AGFG1: variants seen among roughly 807,000 people sequenced by gnomAD.
The protein encoded by AGFG1 is arf-GAP domain and FG repeat-containing protein 1.
A neutral mutation model predicts 60.6 loss-of-function variants in AGFG1; 10 were observed. The observed-to-expected ratio is 0.16, with a 90% CI of 0.10 to 0.28. AGFG1 has a LOEUF of 0.28. Ranked by LOEUF, AGFG1 falls within the 10% of genes least tolerant of loss-of-function variation. The pLI is 1.00. For synonymous variants in AGFG1, 247 were observed against 242.9 expected, an observed-to-expected ratio of 1.02 and a Z score of -0.16; for missense variants, 537 against 676.5, an observed-to-expected ratio of 0.79 and a Z score of 2.29.
chr2:227,550,399 TTGAG>T (rs747663406), intron 10 of AGFG1, among the ~76,000 whole-genome samples: 63 of 152,338 alleles, frequency 4.1e-4, no homozygotes, highest in Non-Finnish European at 6.0e-4. Context: ...TCATGGTACT[TTGAG>T]TGACGCCTTT....
At position 227,552,010 on chromosome 2, in the gene AGFG1, C is replaced by T; in HGVS notation, c.1430C>T (p.Pro477Leu). The change falls in exon 11 of 13, where the codon CCT becomes CTT. Residue 477 changes from proline (P) to leucine (L), a missense_variant. Pro to Leu is a moderately conservative substitution (Grantham distance 98). Around this residue, in one of 4 missense-constraint regions of AGFG1, gnomAD observed 287 missense variants for 343.6 expected, o/e 0.84. Coordinates refer to ENST00000310078, the MANE Select transcript of AGFG1 (RefSeq NM_004504.5). Reference sequence around the variant, plus strand: ...AGCATGCCCACAGGATTCGGCACTCCTGCTCCCTACAGTCTTCCCACCAGC... The same window carrying T: ...AGCATGCCCACAGGATTCGGCACTCTTGCTCCCTACAGTCTTCCCACCAGC... ...SMSMPTGFGT[P>L]APYSLPTSFS... 6.2e-7 allele frequency: 1 copy of T among 1,614,194 alleles called. No homozygotes were observed. The highest frequency in any genetic ancestry group is 8.5e-7 in the Non-Finnish European group (1 of 1,180,040).
At chr2:227,491,698 A>G (rs1264949178) in intron 2 of AGFG1, 58 bp downstream of exon 2, 2 of 1,012,142 alleles carry the variant, frequency 2.0e-6, no homozygotes, top group Non-Finnish European at 2.9e-6. Flanking sequence ...AGTCATTTTA[A>G]TGAGATTTAA....
intron 1 of AGFG1, among the ~76,000 whole-genome samples, chr2:227,488,923 G>T (rs921202911): frequency 3.9e-5 from 6 of 152,016 alleles, no homozygotes; most frequent in Admixed American, 6.6e-5. Context: ...AGGTGATTCT[G>T]CTGCCTCAGC....
chr2:227,540,392 G>C lies in AGFG1; in HGVS notation c.1378+3399G>C, dbSNP rs369072887. Among the ~76,000 whole-genome samples, 85 of 152,158 alleles carry C rather than the reference G, an allele frequency of 5.6e-4. No homozygotes were observed. The East Asian group carries it at 0.013, about 24-fold the overall frequency. ...GCCGGTGTGTGATGTTCCCCACCTT[G>C]TGTCCAAGTGTTCTCATTGTTCAGT... On this transcript the variant is annotated intron_variant, in intron 10 of 12. Transcript: ENST00000310078.
At chr2:227,510,909 T>G (rs111403289) in intron 2 of AGFG1, 2 of 152,228 alleles carry the variant, frequency 1.3e-5, no homozygotes, top group Non-Finnish European at 1.5e-5. Flanking sequence ...TCTCTAGTAT[T>G]CTAAATATTT....
chr2:227,506,765 T>TA (rs1281698338), intron 2 of AGFG1, among the ~76,000 whole-genome samples: 1 of 152,176 alleles, frequency 6.6e-6, no homozygotes, highest in Non-Finnish European at 1.5e-5. Flanking sequence ...AGTCTTTTTT[T>TA]ATCCTCTAAG....
chr2:227,490,254 T>G (rs1690767843), intron 1 of AGFG1, among the ~76,000 whole-genome samples: 1 of 152,316 alleles, frequency 6.6e-6, no homozygotes, highest in Admixed American at 6.5e-5. Flanking sequence ...GTGTGAATGA[T>G]TACAAATTGA....
intron 11 of AGFG1, 103 bp from the exon 12 acceptor site, chr2:227,553,601 G>T: frequency 1.0e-5 from 9 of 869,886 alleles, no homozygotes; most frequent in Admixed American, 2.3e-5. Context: ...TTTTATTTTT[G>T]CTGCTCTGGT....
At chr2:227,513,088 TC>T (rs912124960) in intron 2 of AGFG1, among the ~76,000 whole-genome samples, 32 of 152,346 alleles carry the variant, frequency 2.1e-4, no homozygotes, top group African/African-American at 7.0e-4. Context: ...TCAACAAGTT[TC>T]CACTCCAATT....
rs1693116940 is a variant in AGFG1, at chr2:227,560,803, G to A, written c.*6308G>A. On this transcript the variant is annotated 3_prime_UTR_variant, in exon 13 of 13. Transcript: ENST00000310078. ...TGTGATTCTGATTCCTCATGGTTTG[G>A]AGCTCAGAAATTTCTTAACATGTCT... 1 of 152,132 alleles carries A rather than the reference G, an allele frequency of 6.6e-6. No homozygotes were observed. Among genetic ancestry groups the A allele is most frequent in the Non-Finnish European group, 1.5e-5 (1 of 68,000 alleles). The allele number at this position is 152,132 out of a possible 1,614,324, so 9.4% of individuals were successfully genotyped here.
At chr2:227,492,640 A>G (rs948734108) in intron 2 of AGFG1, among the ~76,000 whole-genome samples, 11 of 152,110 alleles carry the variant, frequency 7.2e-5, no homozygotes, top group African/African-American at 2.7e-4. Flanking sequence ...TAAAATAGTG[A>G]GGAAATATAA....
chr2:227,516,467 G>A (rs944376336), intron 2 of AGFG1, among the ~76,000 whole-genome samples: 3 of 152,170 alleles, frequency 2.0e-5, no homozygotes, highest in South Asian at 2.1e-4. Context: ...AATTAGAGCC[G>A]ATTAATAACT....
At chr2:227,525,610 C>T (rs1691970159) in intron 5 of AGFG1, among the ~76,000 whole-genome samples, 1 of 152,164 alleles carries the variant, frequency 6.6e-6, no homozygotes. Context: ...CTTTTTCCTC[C>T]TCTGTAATTA....
At chr2:227,511,139 C>T (rs1453676224) in intron 2 of AGFG1, among the ~76,000 whole-genome samples, 1 of 152,136 alleles carries the variant, frequency 6.6e-6, no homozygotes, top group Non-Finnish European at 1.5e-5. Flanking sequence ...AGTTCTTCCT[C>T]CAGGGGAAAG....
chr2:227,542,758 T>C (rs921295448), intron 10 of AGFG1, among the ~76,000 whole-genome samples: 3 of 152,228 alleles, frequency 2.0e-5, no homozygotes, highest in Admixed American at 2.0e-4. Context: ...GTACCTCTGG[T>C]AGAATTTGGC....
At position 227,558,008 on chromosome 2, in the gene AGFG1, T is replaced by G. The variant is rs1451281841; in HGVS notation, c.*3513T>G. 6.6e-6 allele frequency: 1 copy of G among 152,220 alleles called. No homozygotes were observed. Among genetic ancestry groups the G allele is most frequent in the African/African-American group, 2.4e-5 (1 of 41,464 alleles). 9.4% of individuals were successfully genotyped at this position (152,220 alleles called of 1,614,324 possible). On this transcript the variant is annotated 3_prime_UTR_variant, in exon 13 of 13. Coordinates refer to ENST00000310078, the MANE Select transcript of AGFG1 (RefSeq NM_004504.5). ...TTACTTGCAGGGCAAACATAACTAT[T>G]CCCTGGGTTTTTTTTGTTTGCTAGT...
intron 8 of AGFG1, 138 bp from the exon 9 acceptor site, chr2:227,536,487 T>G: frequency 3.2e-6 from 2 of 623,164 alleles, no homozygotes; most frequent in Non-Finnish European, 5.6e-6. Context: ...ATCTTTACAC[T>G]TAAATGTCTT....
intron 2 of AGFG1, among the ~76,000 whole-genome samples, chr2:227,510,461 TA>T (rs1271524870): frequency 6.6e-6 from 1 of 151,870 alleles, no homozygotes; most frequent in Non-Finnish European, 1.5e-5. Flanking sequence ...AAACAAAAAG[TA>T]GTACTTTAGA....
intron 10 of AGFG1, among the ~76,000 whole-genome samples, chr2:227,540,845 T>A (rs1187116147): frequency 6.6e-6 from 1 of 152,188 alleles, no homozygotes; most frequent in Non-Finnish European, 1.5e-5. Flanking sequence ...CTCCACATCC[T>A]CTCCAGCATC....
Sources: gnomAD v4.1 joint callset for allele counts (sites outside exome capture counted in the v4.1 genomes callset) on GRCh38, gnomAD v4.1.1 for gene constraint, gnomAD v4.1.1 regional missense constraint, MANE v1.5 for transcripts, NCBI Gene and HGNC (gene_info 2026-07-23, HGNC 2026-07-21) for gene names.